CLSTN2: variants seen among roughly 807,000 people sequenced by gnomAD.
CLSTN2 encodes calsyntenin-2.
A neutral mutation model predicts 101.2 loss-of-function variants in CLSTN2; 48 were observed. That is an observed-to-expected ratio of 0.47 (90% CI 0.38 to 0.60). The LOEUF (loss-of-function observed/expected upper bound fraction) is 0.60, where lower values mean the gene tolerates loss of function less well. Among genes scored for constraint, CLSTN2 ranks in the 20% least tolerant of loss-of-function variants. The pLI is 0.00. For missense variants in CLSTN2, 1,160 were observed against 1,238.2 expected (o/e 0.94, Z 0.95); for synonymous variants, 481 against 463.6 (o/e 1.04, Z -0.48).
intron 2 of CLSTN2, among the ~76,000 whole-genome samples, chr3:140,205,620 C>CCCCCG (rs2010771776): frequency 1.1e-5 from 1 of 94,440 alleles, no homozygotes; most frequent in Non-Finnish European, 2.2e-5. Context: ...CCTGACCCGC[C>CCCCCG]CCCCACCCAC....
chr3:139,943,061 C>T (rs754983881), intron 1 of CLSTN2, among the ~76,000 whole-genome samples: 8 of 152,080 alleles, frequency 5.3e-5, no homozygotes, highest in African/African-American at 1.4e-4. Context: ...TTTAGGATGC[C>T]GCAGCCCCAT....
chr3:140,387,711 G>C (rs999364787), intron 2 of CLSTN2, among the ~76,000 whole-genome samples: 6 of 152,190 alleles, frequency 3.9e-5, no homozygotes, highest in Non-Finnish European at 7.4e-5. Flanking sequence ...GGGTAAAATA[G>C]AATTAACTTC....
intron 8 of CLSTN2, among the ~76,000 whole-genome samples, chr3:140,487,610 A>AT (rs1350195733): frequency 2.6e-5 from 4 of 152,196 alleles, no homozygotes; most frequent in African/African-American, 9.7e-5. Flanking sequence ...AGCAAGCAGT[A>AT]ATTTCTTATG....
chr3:140,118,134 A>G (rs940664781), intron 1 of CLSTN2, among the ~76,000 whole-genome samples: 4 of 152,166 alleles, frequency 2.6e-5, no homozygotes, highest in Admixed American at 1.3e-4. Flanking sequence ...AAGACCATAT[A>G]GGGTCACGGT....
intron 2 of CLSTN2, among the ~76,000 whole-genome samples, chr3:140,368,949 G>T (rs993185820): frequency 6.6e-6 from 1 of 152,136 alleles, no homozygotes; most frequent in Admixed American, 6.5e-5. Flanking sequence ...CTGGCAAGCA[G>T]TTAGAAAGGC....
chr3:140,427,207 G>GTGTATA (rs1397987072), intron 5 of CLSTN2, among the ~76,000 whole-genome samples: 1 of 84,978 alleles, frequency 1.2e-5, no homozygotes, highest in African/African-American at 7.4e-5. Context: ...ATATATATGT[G>GTGTATA]TATATATATA....
chr3:140,534,032 C>T (rs950634711), intron 9 of CLSTN2, among the ~76,000 whole-genome samples: 3 of 152,252 alleles, frequency 2.0e-5, no homozygotes, highest in Admixed American at 2.0e-4. Flanking sequence ...TCTTCAGTTG[C>T]AGGCTCCCCA....
At chr3:140,484,106 G>C (rs931810157) in intron 8 of CLSTN2, among the ~76,000 whole-genome samples, 1 of 152,212 alleles carries the variant, frequency 6.6e-6, no homozygotes, top group Non-Finnish European at 1.5e-5. Flanking sequence ...GGTACCAGTT[G>C]TTCCTTTCCA....
chr3:140,332,663 C>A (rs1317043141), intron 2 of CLSTN2, among the ~76,000 whole-genome samples: 1 of 151,538 alleles, frequency 6.6e-6, no homozygotes, highest in Non-Finnish European at 1.5e-5. Flanking sequence ...CTACCCCCTT[C>A]CTGTCACACA....
intron 2 of CLSTN2, among the ~76,000 whole-genome samples, chr3:140,305,054 A>ACACACTCTCT: frequency 8.5e-6 from 1 of 118,234 alleles, no homozygotes. Flanking sequence ...ACACACACAC[A>ACACACTCTCT]CTCTCTCTCT....
chr3:140,421,887 A>G (rs1270190173), intron 5 of CLSTN2, among the ~76,000 whole-genome samples: 2 of 152,222 alleles, frequency 1.3e-5, no homozygotes, highest in Non-Finnish European at 2.9e-5. Flanking sequence ...ACTGAGGGCA[A>G]GTAAGGAAGG....
chr3:140,267,432 C>T (rs2086704907), intron 2 of CLSTN2, among the ~76,000 whole-genome samples: 1 of 152,054 alleles, frequency 6.6e-6, no homozygotes, highest in African/African-American at 2.4e-5. Flanking sequence ...ACTGCAAATC[C>T]CCAGGTTTCA....
At chr3:140,357,349 A>G (rs1158791723) in intron 2 of CLSTN2, among the ~76,000 whole-genome samples, 1 of 152,126 alleles carries the variant, frequency 6.6e-6, no homozygotes, top group Non-Finnish European at 1.5e-5. Context: ...GGAGCCAGAA[A>G]GATGAACTCA....
chr3:140,027,420 A>G (rs2007443872), intron 1 of CLSTN2, among the ~76,000 whole-genome samples: 1 of 152,160 alleles, frequency 6.6e-6, no homozygotes, highest in South Asian at 2.1e-4. Flanking sequence ...ATGAATGCCA[A>G]GCTCCACCAG....
At chr3:140,034,815 T>C (rs561473463) in intron 1 of CLSTN2, among the ~76,000 whole-genome samples, 363 of 152,332 alleles carry the variant, frequency 2.4e-3, no homozygotes, top group Middle Eastern at 3.4e-3. Context: ...AAATTTCTCA[T>C]CCATAAAGTG....
At chr3:140,148,585 A>T (rs529297744) in intron 1 of CLSTN2, among the ~76,000 whole-genome samples, 2 of 152,202 alleles carry the variant, frequency 1.3e-5, no homozygotes, top group Non-Finnish European at 2.9e-5. Context: ...GGGCTGAGGA[A>T]ATTCACTTAA....
At chr3:140,189,870 T>G (rs560312001) in intron 2 of CLSTN2, among the ~76,000 whole-genome samples, 39 of 152,222 alleles carry the variant, frequency 2.6e-4, no homozygotes, top group African/African-American at 9.4e-4. Context: ...CTGAGTTCAT[T>G]GAAGCTGCCA....
intron 2 of CLSTN2, among the ~76,000 whole-genome samples, chr3:140,192,188 T>C (rs1305250813): frequency 2.6e-5 from 4 of 151,952 alleles, no homozygotes; most frequent in African/African-American, 9.7e-5. Flanking sequence ...TCAGAAAGCA[T>C]ATTTTGTATG....
chr3:140,174,305 C>T (rs1490632960), intron 1 of CLSTN2, among the ~76,000 whole-genome samples: 2 of 152,172 alleles, frequency 1.3e-5, no homozygotes, highest in Non-Finnish European at 2.9e-5. Context: ...TCCTCATCTC[C>T]ATCTAAGACC....
Sources: allele counts gnomAD v4.1 joint callset (sites outside exome capture counted in the v4.1 genomes callset), GRCh38; gene constraint gnomAD v4.1.1; transcripts MANE v1.5; gene names NCBI Gene and HGNC (gene_info 2026-07-23, HGNC 2026-07-21).